Variants in TNIK observed in about 807,000 individuals in gnomAD.
TNIK encodes TRAF2 and NCK interacting kinase.
In TNIK, 49 loss-of-function variants were observed where a neutral mutation model predicts 191.3. The observed-to-expected ratio is 0.26, with a 90% CI of 0.20 to 0.32. The LOEUF (loss-of-function observed/expected upper bound fraction) is 0.32, where lower values mean the gene tolerates loss of function less well. TNIK is among the 10% of genes least tolerant of loss of function. TNIK has a pLI of 1.00. For synonymous variants in TNIK, 594 were observed against 600.9 expected (o/e 0.99, Z 0.17); for missense variants, 1,155 against 1,702.3 (o/e 0.68, Z 5.66).
At chr3:171,079,746 CGT>C (rs75631037) in intron 27 of TNIK, 94 bp from the exon 28 acceptor site, 6,651 of 1,278,666 alleles carry the variant, frequency 5.2e-3, no homozygotes, top group South Asian at 6.4e-3. Context: ...ATTTTATTTA[CGT>C]GTGTGTGTGT....
At chr3:171,259,604 T>C (rs1274489731) in intron 2 of TNIK, among the ~76,000 whole-genome samples, 2 of 152,092 alleles carry the variant, frequency 1.3e-5, no homozygotes, top group East Asian at 1.9e-4. Context: ...TAGATTACTA[T>C]ACAAAAAGAG....
chr3:171,253,121 CAAA>C (rs35251072), intron 2 of TNIK, among the ~76,000 whole-genome samples: 4 of 140,340 alleles, frequency 2.9e-5, no homozygotes, highest in Admixed American at 1.4e-4. Flanking sequence ...CTAAAGGTAC[CAAA>C]AAAAAAAAAA....
intron 1 of TNIK, among the ~76,000 whole-genome samples, chr3:171,392,566 G>A (rs1719678538): frequency 6.6e-6 from 1 of 152,032 alleles, no homozygotes; most frequent in South Asian, 2.1e-4. Context: ...GATCACTTGA[G>A]GTCAGGAGTT....
At chr3:171,149,603 T>A (rs1447174575) in intron 12 of TNIK, among the ~76,000 whole-genome samples, 1 of 151,924 alleles carries the variant, frequency 6.6e-6, no homozygotes, top group East Asian at 1.9e-4. Context: ...CACTGGGAGG[T>A]GGGGTTCCTT....
At chr3:171,360,130 G>GA (rs1559973087) in intron 2 of TNIK, among the ~76,000 whole-genome samples, 1 of 152,166 alleles carries the variant, frequency 6.6e-6, no homozygotes, top group Non-Finnish European at 1.5e-5. Context: ...ATCCCTAACA[G>GA]AAAATCTCAT....
At chr3:171,282,357 T>TTTTTTTTTTTTTTTTTTG (rs1750556105) in intron 2 of TNIK, among the ~76,000 whole-genome samples, 2 of 141,160 alleles carry the variant, frequency 1.4e-5, no homozygotes, top group Admixed American at 7.3e-5. Flanking sequence ...TTTTTTTTTT[T>TTTTTTTTTTTTTTTTTTG]TGAGATGGAG....
intron 1 of TNIK, among the ~76,000 whole-genome samples, chr3:171,377,457 A>G (rs1004617232): frequency 1.3e-5 from 2 of 152,232 alleles, no homozygotes; most frequent in Non-Finnish European, 2.9e-5. Flanking sequence ...CTGGATTTGA[A>G]ACATCACTCC....
Position 171,263,408 on chromosome 3 carries a change from G to T in TNIK, c.124-35187C>A, listed in dbSNP as rs376621191. ...GGAAGGGCATTAGGAGAAATAAGAC[G>T]TTTACACTGACTGTACCAGACTGCA... On this transcript the variant is annotated intron_variant, in intron 2 of 32. Coordinates refer to ENST00000436636, the MANE Select transcript of TNIK (RefSeq NM_015028.4). Among the ~76,000 whole-genome samples, 57 of 152,242 alleles carry T rather than the reference G, an allele frequency of 3.7e-4. 1 individual carries two copies. The South Asian group carries it at 0.011, about 30-fold the overall frequency.
chr3:171,208,292 G>A (rs1415960579), intron 4 of TNIK, among the ~76,000 whole-genome samples: 1 of 152,022 alleles, frequency 6.6e-6, no homozygotes, highest in Non-Finnish European at 1.5e-5. Flanking sequence ...CCGCACTCCA[G>A]CCTGGAGGAC....
At position 171,338,659 on chromosome 3, in the gene TNIK, GTT is replaced by G. The variant is rs76315440; in HGVS notation, c.123+30959_123+30960del. Among the ~76,000 whole-genome samples, 267 of 126,780 alleles carry G rather than the reference GTT, an allele frequency of 2.1e-3. 1 individual carries two copies. The highest frequency in any genetic ancestry group is 5.5e-3 in the African/African-American group (188 of 34,190). 83.2% of individuals were successfully genotyped at this position (126,780 alleles called of 152,430 possible). Reference sequence around the variant, plus strand: ...ATGTACCACCATGCTCAGCTAAGTTGTTTTTTTTTTTTTTTTTGTATTTTTAG... The same window carrying G: ...ATGTACCACCATGCTCAGCTAAGTTGTTTTTTTTTTTTTTTGTATTTTTAG... On this transcript the variant is annotated intron_variant, in intron 2 of 32. Transcript: ENST00000436636.
intron 4 of TNIK, among the ~76,000 whole-genome samples, chr3:171,201,435 A>G (rs2108871746): frequency 6.6e-6 from 1 of 152,116 alleles, no homozygotes; most frequent in African/African-American, 2.4e-5. Context: ...ATAAAAATAA[A>G]TAATAGGAAG....
chr3:171,426,049 T>C (rs1724521791), intron 1 of TNIK, among the ~76,000 whole-genome samples: 1 of 152,078 alleles, frequency 6.6e-6, no homozygotes, highest in African/African-American at 2.4e-5. Flanking sequence ...GCCATCCCAT[T>C]ACTGGGTATA....
At chr3:171,293,408 C>T (rs1031046151) in intron 2 of TNIK, among the ~76,000 whole-genome samples, 1 of 152,156 alleles carries the variant, frequency 6.6e-6, no homozygotes, top group Non-Finnish European at 1.5e-5. Flanking sequence ...GGATGTGCAC[C>T]ACTGGTAAAC....
chr3:171,396,976 C>T (rs765930952), intron 1 of TNIK, among the ~76,000 whole-genome samples: 2 of 152,130 alleles, frequency 1.3e-5, no homozygotes, highest in African/African-American at 2.4e-5. Flanking sequence ...CAATGACTTC[C>T]AGCAAGTATG....
intron 23 of TNIK, 60 bp from the exon 24 acceptor site, chr3:171,087,566 A>G: frequency 6.3e-7 from 1 of 1,584,374 alleles, no homozygotes; most frequent in Non-Finnish European, 8.6e-7. Context: ...ACAGAGTGAC[A>G]TCAGCCCTCA....
intron 18 of TNIK, among the ~76,000 whole-genome samples, chr3:171,122,042 C>G (rs988741007): frequency 6.6e-6 from 1 of 152,192 alleles, no homozygotes; most frequent in Non-Finnish European, 1.5e-5. Context: ...AGAGAAAAGG[C>G]TCATTATTTT....
At chr3:171,321,848 T>G (rs1043884458) in intron 2 of TNIK, among the ~76,000 whole-genome samples, 40 of 152,244 alleles carry the variant, frequency 2.6e-4, no homozygotes, top group African/African-American at 9.4e-4. Context: ...CAATTTTACC[T>G]GTTTCACTCC....
chr3:171,402,437 T>C (rs1183557854), intron 1 of TNIK, among the ~76,000 whole-genome samples: 1 of 152,236 alleles, frequency 6.6e-6, no homozygotes, highest in Non-Finnish European at 1.5e-5. Context: ...ACAATGCTAG[T>C]TGTGGGTCTC....
rs183603469 is a variant in TNIK, at chr3:171,087,440, G to A, written c.2788C>T (p.Pro930Ser). Residue 930 changes from proline to serine, a missense_variant, in exon 24 of 33, where the codon CCT becomes TCT. Physicochemically the swap from Pro to Ser is moderately conservative, Grantham distance 74. Around this residue, in one of 3 missense-constraint regions of TNIK, gnomAD observed 735 missense variants for 848.0 expected, o/e 0.87. Transcript: ENST00000436636. Reference protein sequence around the residue: ...SNGFAGHINLPDLVQQSHSPA... With the variant: ...SNGFAGHINLSDLVQQSHSPA... ...GAATGGCTCTGCTGCACCAGGTCAGGGAGGTTGATGTGGCCAGCAAAGCCA... is the reference window on the plus strand; with the variant it reads ...GAATGGCTCTGCTGCACCAGGTCAGAGAGGTTGATGTGGCCAGCAAAGCCA... 2 of 1,613,948 alleles carry A rather than the reference G, an allele frequency of 1.2e-6. No individual in the cohort carries two copies. Among genetic ancestry groups the A allele is most frequent in the Admixed American group, 1.7e-5 (1 of 60,024 alleles).
Sources: allele counts gnomAD v4.1 joint callset (sites outside exome capture counted in the v4.1 genomes callset), GRCh38; gene constraint gnomAD v4.1.1; regional missense constraint gnomAD v4.1.1; transcripts MANE v1.5; gene names NCBI Gene and HGNC (gene_info 2026-07-23, HGNC 2026-07-21).